The following NAV3 variants were observed in gnomAD, a reference collection of about 807,000 sequenced individuals.
NAV3 encodes pore membrane and/or filament interacting like protein 1.
NAV3 carries 87 observed loss-of-function variants against 244.7 expected under a neutral mutation model. The observed-to-expected ratio is 0.36, with a 90% CI of 0.30 to 0.42. The LOEUF (loss-of-function observed/expected upper bound fraction) is 0.42. Ranked by LOEUF, NAV3 falls within the 20% of genes least tolerant of loss-of-function variation. The pLI is 1.00. For missense variants in NAV3, 2,663 were observed against 2,893.3 expected, an observed-to-expected ratio of 0.92 and a Z score of 1.83; for synonymous variants, 1,126 against 1,042.2, an observed-to-expected ratio of 1.08 and a Z score of -1.55.
chr12:78,126,488 C>A (rs1955910667), intron 16 of NAV3, among the ~76,000 whole-genome samples: 1 of 152,124 alleles, frequency 6.6e-6, no homozygotes, highest in Non-Finnish European at 1.5e-5. Flanking sequence ...TTTCTCTAGA[C>A]ATAGCTTTTC....
At chr12:77,685,631 G>C (rs76152943) in intron 2 of NAV3, among the ~76,000 whole-genome samples, 1 of 151,948 alleles carries the variant, frequency 6.6e-6, no homozygotes, top group South Asian at 2.1e-4. Context: ...TGAATAGCCC[G>C]GAAGATTCTC....
At chr12:78,187,111 T>C (rs1958755796) in intron 31 of NAV3, among the ~76,000 whole-genome samples, 1 of 151,934 alleles carries the variant, frequency 6.6e-6, no homozygotes, top group South Asian at 2.1e-4. Context: ...TTCATAACAA[T>C]AGTAACAAAA....
chr12:77,780,939 T>G lies in NAV3; in HGVS notation c.73-159380T>G, dbSNP rs138284045. Among the ~76,000 whole-genome samples the G allele has an allele frequency of 4.5e-3, 681 of 152,284 alleles. 5 individuals are homozygous for G. The highest frequency in any genetic ancestry group is 0.017 in the Middle Eastern group (5 of 294). On this transcript the variant is annotated intron_variant, in intron 2 of 8. Transcript: ENST00000550042. Reference sequence around the variant, plus strand: ...GCATGGAAATTGAGAATTGTATCCATGAGGAGTGGTTGTATCCTTGGCTCT... The same window carrying G: ...GCATGGAAATTGAGAATTGTATCCAGGAGGAGTGGTTGTATCCTTGGCTCT...
At chr12:77,740,435 T>G (rs955957679) in intron 2 of NAV3, among the ~76,000 whole-genome samples, 8 of 151,898 alleles carry the variant, frequency 5.3e-5, no homozygotes, top group Non-Finnish European at 1.0e-4. Flanking sequence ...GAAACCTGAT[T>G]TTGAAAAAAA....
intron 2 of NAV3, among the ~76,000 whole-genome samples, chr12:77,737,466 T>G (rs1355418860): frequency 6.6e-6 from 1 of 151,900 alleles, no homozygotes; most frequent in Admixed American, 6.6e-5. Flanking sequence ...TTTACTTTTT[T>G]CTTCCAGGGG....
At chr12:78,042,331 C>A (rs1191004124) in intron 9 of NAV3, among the ~76,000 whole-genome samples, 1 of 152,156 alleles carries the variant, frequency 6.6e-6, no homozygotes, top group Admixed American at 6.5e-5. Context: ...GTTTCATGCT[C>A]ATTAGATACA....
chr12:77,714,803 G>A (rs1489392054), intron 2 of NAV3, among the ~76,000 whole-genome samples: 1 of 151,890 alleles, frequency 6.6e-6, no homozygotes, highest in African/African-American at 2.4e-5. Flanking sequence ...CTAACAATTT[G>A]GGAATCTTTG....
Position 77,788,548 on chromosome 12 carries a change from T to A in NAV3, c.73-151771T>A, listed in dbSNP as rs1871015860. ...TTTCAGCTCTGAAAGTCTGTGAATC[T>A]GTCAGTATACTTTGACTTAATGAGT... On this transcript the variant is annotated intron_variant, in intron 2 of 8. Coordinates refer to the NAV3 transcript ENST00000550042. Among the ~76,000 whole-genome samples the A allele has an allele frequency of 2.6e-5, 4 of 152,110 alleles. No individual in the cohort carries two copies. In the South Asian group the frequency reaches 8.3e-4, roughly 32 times the overall value.
chr12:78,210,652 G>C lies in NAV3; in HGVS notation c.*135G>C. ...ACCCAGAGTTGTGGTCTCCAAGGAG[G>C]CAGCAGAACTAAGTCTGAACCGCCA... On this transcript the variant is annotated 3_prime_UTR_variant, in exon 40 of 40. Coordinates refer to ENST00000397909, the MANE Select transcript of NAV3 (RefSeq NM_001024383.2). The C allele has an allele frequency of 9.8e-7, 1 of 1,019,730 alleles. No homozygotes were observed. Among genetic ancestry groups the C allele is most frequent in the Middle Eastern group, 3.1e-4 (1 of 3,234 alleles). 63.2% of individuals were successfully genotyped at this position (1,019,730 alleles called of 1,614,324 possible).
rs556297273 is a variant in NAV3, at chr12:77,807,280, C to T, written c.73-133039C>T. Among the ~76,000 whole-genome samples, 146 of 152,266 alleles carry T rather than the reference C, an allele frequency of 9.6e-4. 1 individual carries two copies. Among genetic ancestry groups the T allele is most frequent in the Non-Finnish European group, 1.6e-3 (106 of 68,024 alleles). ...AGTTTCTTCATAGTGTCGATTGTCT[C>T]TACAATGTGGTATGTTTTTGCAGTG... On this transcript the variant is annotated intron_variant, in intron 2 of 8. Transcript: ENST00000550042.
At chr12:77,833,178 T>G (rs1347035233) in intron 1 of NAV3, among the ~76,000 whole-genome samples, 2 of 152,230 alleles carry the variant, frequency 1.3e-5, no homozygotes, top group Non-Finnish European at 2.9e-5. Context: ...TTTCTTTTAA[T>G]TATCTGGATA....
intron 25 of NAV3, 85 bp from the exon 26 acceptor site, chr12:78,176,354 A>G (rs759389847): frequency 7.7e-7 from 1 of 1,304,218 alleles, no homozygotes; most frequent in Non-Finnish European, 1.1e-6. Flanking sequence ...ATCTTAAAAA[A>G]TGTTTATACA....
chr12:78,203,605 A>G (rs969463613), intron 38 of NAV3, among the ~76,000 whole-genome samples: 4 of 152,080 alleles, frequency 2.6e-5, no homozygotes, highest in Non-Finnish European at 4.4e-5. Flanking sequence ...TTATGGTGTT[A>G]ATGTCCACCA....
Position 78,177,614 on chromosome 12 carries a change from A to C in NAV3, c.5298-6A>C. The C allele has an allele frequency of 5.0e-6, 8 of 1,596,924 alleles. No homozygotes were observed. Among genetic ancestry groups the C allele is most frequent in the Non-Finnish European group, 6.8e-6 (8 of 1,178,946 alleles). ...CATGTATCTGTCTAACTGTATGTACATACAGGTCACCCCTTGTCTGGCCAC... is the reference window on the plus strand; with the variant it reads ...CATGTATCTGTCTAACTGTATGTACCTACAGGTCACCCCTTGTCTGGCCAC... On this transcript the variant is annotated splice_region_variant and splice_polypyrimidine_tract_variant and intron_variant, in intron 27 of 39. Transcript: ENST00000397909.
chr12:77,946,849 A>T (rs563035271), intron 3 of NAV3, among the ~76,000 whole-genome samples: 1 of 152,176 alleles, frequency 6.6e-6, no homozygotes. Flanking sequence ...GACATTTAAA[A>T]CATTTTTTAA....
intron 12 of NAV3, among the ~76,000 whole-genome samples, chr12:78,070,474 C>T (rs1952701883): frequency 6.6e-6 from 1 of 151,284 alleles, no homozygotes; most frequent in Non-Finnish European, 1.5e-5. Context: ...AAATTGTTTC[C>T]AGCTTCACTC....
intron 2 of NAV3, among the ~76,000 whole-genome samples, chr12:77,762,076 C>T (rs761226411): frequency 6.6e-6 from 1 of 152,206 alleles, no homozygotes; most frequent in Non-Finnish European, 1.5e-5. Context: ...GGCCCATGTA[C>T]ACCATGGCAG....
At chr12:77,985,473 A>C (rs1198794991) in intron 5 of NAV3, among the ~76,000 whole-genome samples, 1 of 152,158 alleles carries the variant, frequency 6.6e-6, no homozygotes, top group East Asian at 1.9e-4. Flanking sequence ...TAATCTTTAG[A>C]ATAACATCAG....
intron 13 of NAV3, 94 bp from the exon 14 acceptor site, chr12:78,117,933 T>G: frequency 8.3e-7 from 1 of 1,204,914 alleles, no homozygotes; most frequent in Admixed American, 2.6e-5. Context: ...AATCTTTGGA[T>G]TTATCCAGTT....
Sources: gnomAD v4.1 joint callset for allele counts (sites outside exome capture counted in the v4.1 genomes callset) on GRCh38, gnomAD v4.1.1 for gene constraint, MANE v1.5 for transcripts, NCBI Gene and HGNC (gene_info 2026-07-23, HGNC 2026-07-21) for gene names.